DGKB: variants seen among roughly 807,000 people sequenced by gnomAD.
DGKB encodes the protein 90 kDa diacylglycerol kinase.
Under a neutral mutation model 114.3 loss-of-function variants are expected in DGKB, and 67 were observed. That is an observed-to-expected ratio of 0.59 (90% confidence interval 0.48 to 0.72). DGKB has a LOEUF of 0.72. DGKB is among the 30% of genes least tolerant of loss of function. The pLI, the probability that DGKB is intolerant of heterozygous loss-of-function variation, is 0.00. For missense variants in DGKB, 907 were observed against 975.2 expected (o/e 0.93, Z 0.93); for synonymous variants, 398 against 323.1 (o/e 1.23, Z -2.49).
At chr7:14,809,296 G>T (rs1310338939) in intron 2 of DGKB, among the ~76,000 whole-genome samples, 6 of 152,040 alleles carry the variant, frequency 3.9e-5, no homozygotes, top group Non-Finnish European at 5.9e-5. Flanking sequence ...TTGGACTCCT[G>T]CTATAGTCCT....
chr7:14,316,195 C>T (rs1196318625), intron 23 of DGKB, among the ~76,000 whole-genome samples: 3 of 152,076 alleles, frequency 2.0e-5, no homozygotes, highest in South Asian at 2.1e-4. Flanking sequence ...AGATCCAAAA[C>T]TGACACCCTA....
At chr7:14,633,706 G>C (rs1288160526) in intron 13 of DGKB, among the ~76,000 whole-genome samples, 1 of 151,582 alleles carries the variant, frequency 6.6e-6, no homozygotes, top group South Asian at 2.1e-4. Context: ...TTTTTAATCA[G>C]AATTAATACA....
intron 1 of DGKB, among the ~76,000 whole-genome samples, chr7:14,884,832 T>G (rs949371058): frequency 6.6e-6 from 1 of 151,992 alleles, no homozygotes; most frequent in Non-Finnish European, 1.5e-5. Context: ...AATATTCTCT[T>G]TCATGCCACT....
intron 20 of DGKB, among the ~76,000 whole-genome samples, chr7:14,483,575 G>C (rs1257647244): frequency 1.3e-5 from 2 of 152,158 alleles, no homozygotes; most frequent in Non-Finnish European, 1.5e-5. Flanking sequence ...GCAGTGGGAT[G>C]ACTGTGATCC....
At chr7:14,640,652 T>C (rs1811598996) in intron 13 of DGKB, among the ~76,000 whole-genome samples, 1 of 152,156 alleles carries the variant, frequency 6.6e-6, no homozygotes, top group Non-Finnish European at 1.5e-5. Flanking sequence ...AGACAGGCAA[T>C]GAGACAGAGA....
chr7:14,496,724 T>A (rs967258658), intron 20 of DGKB, among the ~76,000 whole-genome samples: 18 of 151,910 alleles, frequency 1.2e-4, no homozygotes, highest in African/African-American at 4.1e-4. Flanking sequence ...ATTCTAAAGT[T>A]TTTGAAAACA....
At chr7:14,225,705 T>G (rs1469667208) in intron 23 of DGKB, among the ~76,000 whole-genome samples, 1 of 151,684 alleles carries the variant, frequency 6.6e-6, no homozygotes, top group Non-Finnish European at 1.5e-5. Context: ...ACAGGATATA[T>G]TTTTAAAAAG....
At chr7:14,251,045 AG>A (rs1385036696) in intron 23 of DGKB, among the ~76,000 whole-genome samples, 1 of 152,156 alleles carries the variant, frequency 6.6e-6, no homozygotes, top group East Asian at 1.9e-4. Context: ...AGTCTCTTTT[AG>A]GAGGTGTATA....
intron 13 of DGKB, among the ~76,000 whole-genome samples, chr7:14,652,363 G>A (rs1199202269): frequency 2.0e-5 from 3 of 152,006 alleles, no homozygotes; most frequent in African/African-American, 4.8e-5. Context: ...ACAACTATCC[G>A]ATCTTTGACA....
intron 17 of DGKB, among the ~76,000 whole-genome samples, chr7:14,605,845 G>T (rs1804406011): frequency 6.6e-6 from 1 of 152,056 alleles, no homozygotes. Context: ...ATGCTATGCA[G>T]TAAGTACATT....
chr7:14,667,290 T>C (rs937745250), intron 13 of DGKB, among the ~76,000 whole-genome samples: 1 of 151,900 alleles, frequency 6.6e-6, no homozygotes, highest in African/African-American at 2.4e-5. Context: ...ATCTTGACCT[T>C]GTGGTATGTC....
intron 21 of DGKB, among the ~76,000 whole-genome samples, chr7:14,388,212 A>G (rs1473321835): frequency 6.7e-6 from 1 of 148,408 alleles, no homozygotes; most frequent in African/African-American, 2.6e-5. Context: ...TAATTTGGAA[A>G]AAAAAAAAAA....
chr7:14,883,334 A>G (rs1854531335), intron 1 of DGKB, among the ~76,000 whole-genome samples: 1 of 152,000 alleles, frequency 6.6e-6, no homozygotes, highest in East Asian at 1.9e-4. Flanking sequence ...AAAATTAGGA[A>G]GCAAGCCATT....
At chr7:14,301,591 G>T (rs1294242086) in intron 23 of DGKB, among the ~76,000 whole-genome samples, 2 of 152,078 alleles carry the variant, frequency 1.3e-5, no homozygotes, top group Non-Finnish European at 2.9e-5. Flanking sequence ...ATAAGAACTT[G>T]GTAATTTGGG....
intron 23 of DGKB, among the ~76,000 whole-genome samples, chr7:14,278,464 C>T (rs1799356083): frequency 6.6e-6 from 1 of 151,992 alleles, no homozygotes; most frequent in African/African-American, 2.4e-5. Context: ...AACTTGATCC[C>T]TATCTCATAC....
At chr7:14,178,424 A>C (rs867794074) in intron 23 of DGKB, among the ~76,000 whole-genome samples, 1 of 144,852 alleles carries the variant, frequency 6.9e-6, no homozygotes, top group African/African-American at 2.7e-5. Context: ...AAAAAAAAAA[A>C]AAAACCCAGT....
At chr7:14,317,252 C>G (rs992697290) in intron 23 of DGKB, among the ~76,000 whole-genome samples, 2 of 88,756 alleles carry the variant, frequency 2.3e-5, no homozygotes, top group Non-Finnish European at 4.6e-5. Flanking sequence ...TCTCACCACT[C>G]CTATTCAACA....
At chr7:14,306,018 A>G (rs572375005) in intron 23 of DGKB, among the ~76,000 whole-genome samples, 1 of 152,312 alleles carries the variant, frequency 6.6e-6, no homozygotes, top group Non-Finnish European at 1.5e-5. Flanking sequence ...TTTGAAGATT[A>G]GATTTATTCA....
chr7:14,549,709 C>A (rs1476678186), intron 20 of DGKB, among the ~76,000 whole-genome samples: 1 of 152,176 alleles, frequency 6.6e-6, no homozygotes, highest in Non-Finnish European at 1.5e-5. Context: ...CTCTAGCTGG[C>A]TGGACATGGT....
Sources: gnomAD v4.1 joint callset for allele counts (sites outside exome capture counted in the v4.1 genomes callset) on GRCh38, gnomAD v4.1.1 for gene constraint, MANE v1.5 for transcripts, NCBI Gene and HGNC (gene_info 2026-07-23, HGNC 2026-07-21) for gene names.